The following FGF12 variants were observed in gnomAD, a reference collection of about 807,000 sequenced individuals.
FGF12 encodes fibroblast growth factor 12, also known as fibroblast growth factor 12B.
A neutral mutation model predicts 23.6 loss-of-function variants in FGF12; 14 were observed. The observed-to-expected ratio is 0.59, with a 90% CI of 0.39 to 0.93. FGF12 has a LOEUF of 0.93. Among genes scored for constraint, FGF12 ranks in the 40% least tolerant of loss-of-function variants. The probability of loss-of-function intolerance (pLI) is 0.00; values close to 1 mark genes in which losing one functional copy is unlikely to be tolerated. For missense variants in FGF12, 175 were observed against 217.8 expected, an observed-to-expected ratio of 0.80 and a Z score of 1.24; for synonymous variants, 62 against 77.3, an observed-to-expected ratio of 0.80 and a Z score of 1.04.
chr3:192,444,640 G>GACACCATCA (rs1722297621), intron 2 of FGF12, among the ~76,000 whole-genome samples: 1 of 152,186 alleles, frequency 6.6e-6, no homozygotes, highest in Non-Finnish European at 1.5e-5. Context: ...TCAGCTTCTA[G>GACACCATCA]ACACCATCAC....
chr3:192,630,554 ATTTTTT>A (rs10695787), intron 2 of FGF12, among the ~76,000 whole-genome samples: 1 of 140,346 alleles, frequency 7.1e-6, no homozygotes, highest in Non-Finnish European at 1.5e-5. Context: ...AAAAAATTCA[ATTTTTT>A]TTTTTTTTTT....
chr3:192,705,269 G>A (rs1448842401), intron 2 of FGF12, among the ~76,000 whole-genome samples: 1 of 152,206 alleles, frequency 6.6e-6, no homozygotes, highest in Non-Finnish European at 1.5e-5. Flanking sequence ...TGAGAGACAT[G>A]TGACTCTTCC....
chr3:192,439,727 A>G (rs1245306804), intron 2 of FGF12, among the ~76,000 whole-genome samples: 2 of 152,174 alleles, frequency 1.3e-5, no homozygotes, highest in African/African-American at 4.8e-5. Context: ...CTGTAATCCC[A>G]GCACTTTGGG....
chr3:192,448,757 C>A (rs566628955), intron 2 of FGF12, among the ~76,000 whole-genome samples: 1 of 152,194 alleles, frequency 6.6e-6, no homozygotes, highest in Non-Finnish European at 1.5e-5. Flanking sequence ...TGTATTCTGG[C>A]ATATCATTAG....
chr3:192,588,243 G>A (rs112314793), intron 2 of FGF12, among the ~76,000 whole-genome samples: 6,974 of 150,410 alleles, frequency 0.046, 464 homozygotes, highest in African/African-American at 0.14. Context: ...CCAGCTACTC[G>A]GGAGGCTGAG....
chr3:192,610,993 C>T lies in FGF12; in HGVS notation c.13+116188G>A, dbSNP rs991839777. ...GTTTCTGTTTTACTTTCCTCTTTAG[C>T]CCTTATCATGATCTTTATTTTCCCC... On this transcript the variant is annotated intron_variant, in intron 2 of 5. Coordinates refer to ENST00000445105, the MANE Select transcript of FGF12 (RefSeq NM_004113.6). 2.0e-5 allele frequency among the ~76,000 whole-genome samples: 3 copies of T among 152,044 alleles called. 1 individual carries two copies. Among genetic ancestry groups the T allele is most frequent in the Non-Finnish European group, 4.4e-5 (3 of 67,982 alleles).
intron 3 of FGF12, among the ~76,000 whole-genome samples, chr3:192,342,973 GAGA>G (rs1478462051): frequency 2.0e-5 from 3 of 151,784 alleles, no homozygotes; most frequent in South Asian, 2.1e-4. Context: ...TTCAAAGAAA[GAGA>G]AGAAGAGGAA....
chr3:192,668,041 AAACT>A (rs1245243115), intron 2 of FGF12, among the ~76,000 whole-genome samples: 7 of 152,212 alleles, frequency 4.6e-5, no homozygotes, highest in Non-Finnish European at 8.8e-5. Context: ...TAATAACCAG[AAACT>A]AAAAACACCT....
chr3:192,290,584 T>C (rs886232355), intron 4 of FGF12, among the ~76,000 whole-genome samples: 2 of 152,158 alleles, frequency 1.3e-5, no homozygotes, highest in African/African-American at 4.8e-5. Context: ...GCGAAACACC[T>C]AGCATGCTAC....
chr3:192,292,851 A>T (rs1028223963), intron 4 of FGF12, among the ~76,000 whole-genome samples: 1 of 152,170 alleles, frequency 6.6e-6, no homozygotes, highest in Admixed American at 6.6e-5. Context: ...ATCATGGCTC[A>T]CTACAGCCTC....
In FGF12 at chr3:192,141,128, C is replaced by CAAAAAAAAA. The variant is rs56933017; in HGVS notation, c.*2872_*2880dup. On this transcript the variant is annotated 3_prime_UTR_variant, in exon 6 of 6. Transcript: ENST00000445105. ...CCTGGGAAAAATCCCAATGCAACTC[C>CAAAAAAAAA]AAAAAAAAAAAAAAAAAAAAAAAAA... 9.7e-5 allele frequency: 4 copies of CAAAAAAAAA among 41,242 alleles called. No homozygotes were observed. The highest frequency in any genetic ancestry group is 3.0e-4 in the African/African-American group (3 of 9,850). The allele number at this position is 41,242 out of a possible 1,614,324, so 2.6% of individuals were successfully genotyped here. A position where few individuals can be genotyped will look rare whatever the true frequency, so the allele number is the denominator to read the frequency against.
intron 4 of FGF12, among the ~76,000 whole-genome samples, chr3:192,231,497 C>T (rs1719018238): frequency 6.6e-6 from 1 of 152,136 alleles, no homozygotes; most frequent in African/African-American, 2.4e-5. Flanking sequence ...TGGCCAGGTG[C>T]AGTGGCTCAT....
At chr3:192,407,909 G>C in intron 2 of FGF12, 2 of 1,103,324 alleles carry the variant, frequency 1.8e-6, no homozygotes, top group Non-Finnish European at 2.6e-6. Flanking sequence ...GAGAGAAGAG[G>C]GGTCAGAATG....
chr3:192,709,667 AATTATTAAG>A (rs1718599393), intron 2 of FGF12, among the ~76,000 whole-genome samples: 1 of 152,184 alleles, frequency 6.6e-6, no homozygotes, highest in African/African-American at 2.4e-5. Flanking sequence ...GGTGCTGGGA[AATTATTAAG>A]TTTTCCAGTT....
intron 2 of FGF12, among the ~76,000 whole-genome samples, chr3:192,675,644 G>A (rs886748636): frequency 3.3e-5 from 5 of 152,180 alleles, no homozygotes; most frequent in Non-Finnish European, 5.9e-5. Context: ...CTGTTGCTCA[G>A]AGAGCTGAAG....
intron 2 of FGF12, among the ~76,000 whole-genome samples, chr3:192,573,710 A>T (rs955012132): frequency 6.6e-6 from 1 of 152,152 alleles, no homozygotes; most frequent in African/African-American, 2.4e-5. Flanking sequence ...CATAATACCT[A>T]TTTTACGATA....
At chr3:192,424,353 T>C (rs1326288322) in intron 2 of FGF12, among the ~76,000 whole-genome samples, 2 of 152,222 alleles carry the variant, frequency 1.3e-5, no homozygotes, top group Non-Finnish European at 2.9e-5. Flanking sequence ...CAGGTAGTGC[T>C]GTTTGCAAAA....
chr3:192,371,272 G>A (rs1002896840), intron 2 of FGF12, among the ~76,000 whole-genome samples: 36 of 152,190 alleles, frequency 2.4e-4, no homozygotes, highest in African/African-American at 8.2e-4. Context: ...CCAGGGAGAG[G>A]GGAAAGTCGC....
intron 4 of FGF12, among the ~76,000 whole-genome samples, chr3:192,182,332 T>C (rs1023526686): frequency 2.0e-5 from 3 of 152,184 alleles, no homozygotes; most frequent in African/African-American, 4.8e-5. Context: ...AATGTACTAG[T>C]TAAATATAGA....
Sources: allele counts gnomAD v4.1 joint callset (sites outside exome capture counted in the v4.1 genomes callset), GRCh38; gene constraint gnomAD v4.1.1; transcripts MANE v1.5; gene names NCBI Gene and HGNC (gene_info 2026-07-23, HGNC 2026-07-21).